The following TRMT6 variants were observed in gnomAD, a reference collection of about 807,000 sequenced individuals.
The protein encoded by TRMT6 is tRNA methyltransferase 6 non-catalytic subunit, also known as tRNA (adenine(58)-N(1))-methyltransferase non-catalytic subunit TRM6.
TRMT6 carries 34 observed loss-of-function variants against 59.0 expected under a neutral mutation model. The ratio of observed to expected loss-of-function variants is 0.58; its 90% CI spans 0.44 to 0.77. TRMT6 has a LOEUF of 0.77. TRMT6 is among the 30% of genes least tolerant of loss of function. The pLI is 0.00. For missense variants in TRMT6, 575 were observed against 604.5 expected, an observed-to-expected ratio of 0.95 and a Z score of 0.51; for synonymous variants, 217 against 210.5, an observed-to-expected ratio of 1.03 and a Z score of -0.27.
rs965147538 is a variant in TRMT6, at chr20:5,950,493, G to A, written c.-88C>T. On this transcript the variant is annotated 5_prime_UTR_variant, in exon 1 of 11. Transcript: ENST00000203001. ...CCAGCCTCACTTCCCACAACCTGGC[G>A]CACTAGGAGCCCTCCGACCGGCACC... 2.1e-6 allele frequency: 3 copies of A among 1,422,334 alleles called. No individual in the cohort carries two copies. The highest frequency in any genetic ancestry group is 2.8e-6 in the Non-Finnish European group (3 of 1,074,448). The allele number at this position is 1,422,334 out of a possible 1,614,324, so 88.1% of individuals were successfully genotyped here. A position where few individuals can be genotyped will look rare whatever the true frequency, so the allele number is the denominator to read the frequency against.
At chr20:5,949,598 C>G (rs2088756351) in intron 1 of TRMT6, among the ~76,000 whole-genome samples, 1 of 152,148 alleles carries the variant, frequency 6.6e-6, no homozygotes, top group Non-Finnish European at 1.5e-5. Flanking sequence ...ATTTTCCCAG[C>G]GTTGAATCCT....
At chr20:5,944,344 T>G in intron 3 of TRMT6, 91 bp from the exon 4 acceptor site, 1 of 706,452 alleles carries the variant, frequency 1.4e-6, no homozygotes, top group Non-Finnish European at 2.3e-6. Context: ...ATGGATCCAA[T>G]GGTCTGATTC....
intron 10 of TRMT6, 128 bp from the exon 11 acceptor site, chr20:5,938,854 TC>T: frequency 2.5e-6 from 2 of 812,314 alleles, no homozygotes; most frequent in South Asian, 4.3e-5. Context: ...CATTTTTTTT[TC>T]TTTCTTTTCT....
chr20:5,942,287 A>G, intron 7 of TRMT6, 141 bp downstream of exon 7: 4 of 836,198 alleles, frequency 4.8e-6, no homozygotes, highest in South Asian at 3.0e-5. Flanking sequence ...GTTTGTATAC[A>G]TGTACACACA....
intron 2 of TRMT6, among the ~76,000 whole-genome samples, chr20:5,945,278 T>C (rs1156388662): frequency 6.6e-6 from 1 of 152,238 alleles, no homozygotes; most frequent in African/African-American, 2.4e-5. Flanking sequence ...CCTGGCCTGA[T>C]CTCTTGACAC....
At chr20:5,950,234 C>T in intron 1 of TRMT6, 44 bp downstream of exon 1, 2 of 1,523,678 alleles carry the variant, frequency 1.3e-6, no homozygotes, top group South Asian at 1.2e-5. Flanking sequence ...GGGGTATCTA[C>T]AAGGTGGGGG....
At chr20:5,941,387 A>G (rs1431693170) in intron 8 of TRMT6, 42 bp from the exon 9 acceptor site, 12 of 1,421,070 alleles carry the variant, frequency 8.4e-6, no homozygotes, top group East Asian at 4.6e-5. Flanking sequence ...CTACACCCTC[A>G]AAGTGGAGCA....
chr20:5,941,162 G>A lies in TRMT6; in HGVS notation c.1216-23C>T. Reference sequence around the variant, plus strand: ...AGGCTGCAGACAACAACAGAATTCTGTTAAGAACTACTTCCTGGGATGCAG... The same window carrying A: ...AGGCTGCAGACAACAACAGAATTCTATTAAGAACTACTTCCTGGGATGCAG... On this transcript the variant is annotated intron_variant, in intron 9 of 10. Transcript: ENST00000203001. 1.9e-6 allele frequency: 3 copies of A among 1,611,502 alleles called. No individual in the cohort carries two copies. The South Asian group carries it at 3.3e-5, about 18-fold the overall frequency.
At position 5,944,725 on chromosome 20, in the gene TRMT6, G is replaced by T. The variant is rs553488985; in HGVS notation, c.366+80C>A. On this transcript the variant is annotated intron_variant, in intron 3 of 10. Transcript: ENST00000203001. Reference sequence around the variant, plus strand: ...ACGTTATTTTTTTGTTTTACCTTAGGTACAGTCTGCTTTAAAAACCCAACA... The same window carrying T: ...ACGTTATTTTTTTGTTTTACCTTAGTTACAGTCTGCTTTAAAAACCCAACA... The T allele has an allele frequency of 1.3e-3, 1,386 of 1,027,690 alleles. 2 individuals carry two copies. Among genetic ancestry groups the T allele is most frequent in the Non-Finnish European group, 1.8e-3 (1,201 of 670,222 alleles). 63.7% of individuals were successfully genotyped at this position (1,027,690 alleles called of 1,614,324 possible).
At chr20:5,942,085 A>G in intron 7 of TRMT6, 49 bp from the exon 8 acceptor site, 1 of 1,446,842 alleles carries the variant, frequency 6.9e-7, no homozygotes, top group Admixed American at 1.7e-5. Flanking sequence ...TTTCAGTCAA[A>G]TTTATGGAAA....
Position 5,938,526 on chromosome 20 carries a change from TCAAA to T in TRMT6, c.*5_*8del. 1 of 1,606,342 alleles carries T rather than the reference TCAAA, an allele frequency of 6.2e-7. No homozygotes were observed. The highest frequency in any genetic ancestry group is 8.5e-7 in the Non-Finnish European group (1 of 1,175,602). ...CTGAGAACAAAATTCAGAGCAATTC[TCAAA>T]AGGGTTAAGAGTCAGACTCTGGGCA... On this transcript the variant is annotated 3_prime_UTR_variant, in exon 11 of 11. Transcript: ENST00000203001.
intron 10 of TRMT6, among the ~76,000 whole-genome samples, chr20:5,939,394 T>C (rs2088636483): frequency 6.6e-6 from 1 of 151,200 alleles, no homozygotes; most frequent in Non-Finnish European, 1.5e-5. Context: ...GGCAGGAGAA[T>C]TGCTTGAACC....
intron 10 of TRMT6, among the ~76,000 whole-genome samples, chr20:5,939,486 GAAAA>G (rs376972151): frequency 1.3e-5 from 1 of 79,010 alleles, no homozygotes; most frequent in African/African-American, 4.1e-5. Context: ...TCTCAAAAAT[GAAAA>G]AAAAAAAAAA....
intron 2 of TRMT6, among the ~76,000 whole-genome samples, chr20:5,946,012 G>A (rs1244242617): frequency 6.6e-6 from 1 of 152,158 alleles, no homozygotes; most frequent in Non-Finnish European, 1.5e-5. Context: ...ACGGTACAAG[G>A]CAAGTGATGA....
rs771297184 is a variant in TRMT6, at chr20:5,946,539, G to GA, written c.129-7dup. 7.1e-5 allele frequency: 114 copies of GA among 1,610,272 alleles called. No homozygotes were observed. The highest frequency in any genetic ancestry group is 9.2e-5 in the Non-Finnish European group (108 of 1,178,424). ...GTTTTTCGAAAGTTACTTTTCTAGGGAAAAAAAGTAATCAATTAACTGAAT... is the reference window on the plus strand; with the variant it reads ...GTTTTTCGAAAGTTACTTTTCTAGGGAAAAAAAAGTAATCAATTAACTGAAT... On this transcript the variant is annotated splice_region_variant and splice_polypyrimidine_tract_variant and intron_variant, in intron 1 of 10. Transcript: ENST00000203001.
chr20:5,945,116 T>A (rs958392904), intron 2 of TRMT6, among the ~76,000 whole-genome samples: 1 of 152,206 alleles, frequency 6.6e-6, no homozygotes, highest in Non-Finnish European at 1.5e-5. Flanking sequence ...GCCCCCCTAC[T>A]ATCCACCTGG....
intron 7 of TRMT6, among the ~76,000 whole-genome samples, 157 bp from the exon 8 acceptor site, chr20:5,942,193 G>A (rs2088662305): frequency 6.6e-6 from 1 of 152,168 alleles, no homozygotes; most frequent in Non-Finnish European, 1.5e-5. Flanking sequence ...ACACAAGAAA[G>A]CCTATATACT....
rs765130675 is a variant in TRMT6 at position 5,938,684 on chromosome 20, C to T, written c.1345G>A (p.Gly449Ser). The T allele has an allele frequency of 6.2e-7, 1 of 1,614,208 alleles. No homozygotes were observed. The highest frequency in any genetic ancestry group is 8.5e-7 in the Non-Finnish European group (1 of 1,180,050). Reference sequence around the variant, plus strand: ...AAGCCGGAGAGAAGATAACCCCCACCTCCACTCATCAGCAGTTTAGGATGA... The same window carrying T: ...AAGCCGGAGAGAAGATAACCCCCACTTCCACTCATCAGCAGTTTAGGATGA... ...RSHPKLLMSG[G>S]GGYLLSGFTV... The change falls in exon 11 of 11, where the codon GGT becomes AGT. Residue 449 changes from glycine (G) to serine (S), a missense_variant. Physicochemically the swap from Gly to Ser is moderately conservative, Grantham distance 56 (BLOSUM62 0). Coordinates refer to ENST00000203001, the MANE Select transcript of TRMT6 (RefSeq NM_015939.5).
At chr20:5,942,821 G>C in intron 6 of TRMT6, 35 bp from the exon 7 acceptor site, 1 of 1,547,024 alleles carries the variant, frequency 6.5e-7, no homozygotes, top group Non-Finnish European at 8.9e-7. Flanking sequence ...TCTGCCCGTG[G>C]AGTGACTCTA....
Sources: gnomAD v4.1 joint callset for allele counts (sites outside exome capture counted in the v4.1 genomes callset) on GRCh38, gnomAD v4.1.1 for gene constraint, MANE v1.5 for transcripts, NCBI Gene and HGNC (gene_info 2026-07-23, HGNC 2026-07-21) for gene names.